MYZAP: variants seen among roughly 807,000 people sequenced by gnomAD.
MYZAP encodes the protein GRINL1A complex locus upstream.
In MYZAP, 66 loss-of-function variants were observed where a neutral mutation model predicts 69.4. The ratio of observed to expected loss-of-function variants is 0.95; its 90% confidence interval spans 0.78 to 1.17. The LOEUF is 1.17. Ranked by LOEUF, MYZAP falls within the 50% of genes most tolerant of loss-of-function variation. The probability of loss-of-function intolerance (pLI) is 0.00; values close to 1 mark genes in which losing one functional copy is unlikely to be tolerated. For missense variants in MYZAP, 611 were observed against 556.2 expected, an observed-to-expected ratio of 1.10 and a Z score of -0.99; for synonymous variants, 256 against 205.9, an observed-to-expected ratio of 1.24 and a Z score of -2.09.
At chr15:57,630,977 C>T (rs1290869378) in intron 6 of MYZAP, among the ~76,000 whole-genome samples, 9 of 152,254 alleles carry the variant, frequency 5.9e-5, no homozygotes, top group South Asian at 2.1e-4. Flanking sequence ...GTCCACCGCC[C>T]GGTCTCTGTA....
At chr15:57,605,259 T>C (rs1380737564) in intron 2 of MYZAP, among the ~76,000 whole-genome samples, 1 of 152,080 alleles carries the variant, frequency 6.6e-6, no homozygotes, top group Non-Finnish European at 1.5e-5. Flanking sequence ...ATTAAGTACA[T>C]TTTATAGAGG....
At chr15:57,623,499 G>T (rs533081071) in intron 4 of MYZAP, among the ~76,000 whole-genome samples, 3 of 152,164 alleles carry the variant, frequency 2.0e-5, no homozygotes, top group Non-Finnish European at 4.4e-5. Context: ...TTGGGAGGCC[G>T]AGGCAGGTGG....
At chr15:57,646,122 T>C in intron 10 of MYZAP, 2 of 1,288,364 alleles carry the variant, frequency 1.6e-6, no homozygotes, top group Non-Finnish European at 2.0e-6. Context: ...ATCCACTCAA[T>C]TGAACTGTCT....
intron 12 of MYZAP, among the ~76,000 whole-genome samples, chr15:57,679,778 C>G (rs1298407945): frequency 1.3e-5 from 2 of 152,204 alleles, no homozygotes; most frequent in African/African-American, 4.8e-5. Context: ...CCCTCTGTGG[C>G]TGAGCCACAG....
intron 1 of MYZAP, among the ~76,000 whole-genome samples, chr15:57,600,148 T>C (rs2034321921): frequency 6.6e-6 from 1 of 152,352 alleles, no homozygotes; most frequent in African/African-American, 2.4e-5. Context: ...ACTTTCTTTC[T>C]TCCCCATGGC....
chr15:57,662,954 G>A (rs7169211), intron 11 of MYZAP, among the ~76,000 whole-genome samples: 38,582 of 152,188 alleles, frequency 0.25, 5,898 homozygotes, highest in Non-Finnish European at 0.34. Context: ...GAGTAAATGG[G>A]TATTTTCCCC....
Position 57,619,997 on chromosome 15 carries a change from CCCTGG to C in MYZAP, c.319-1605_319-1601del, listed in dbSNP as rs1595874981. ...CTGCCATAGGTGGCTTCAGTTCCATCCCTGGCCTGGTCATTGCAGTATTTGCCTTT... is the reference window on the plus strand; with the variant it reads ...CTGCCATAGGTGGCTTCAGTTCCATCCCTGGTCATTGCAGTATTTGCCTTT... On this transcript the variant is annotated intron_variant, in intron 3 of 12. Transcript: ENST00000267853. Among the ~76,000 whole-genome samples the C allele has an allele frequency of 2.0e-5, 3 of 152,300 alleles. No individual in the cohort carries two copies. The East Asian group carries it at 5.8e-4, about 29-fold the overall frequency.
chr15:57,593,214 A>ACACACACACACCCCCCCCCCCCC (rs1172761785), intron 1 of MYZAP, among the ~76,000 whole-genome samples: 2 of 141,346 alleles, frequency 1.4e-5, no homozygotes, highest in African/African-American at 5.6e-5. Context: ...ACACACACAC[A>ACACACACACACCCCCCCCCCCCC]CCCCAGAATC....
At chr15:57,631,291 C>T (rs1431947446) in intron 6 of MYZAP, among the ~76,000 whole-genome samples, 1 of 152,048 alleles carries the variant, frequency 6.6e-6, no homozygotes, top group Non-Finnish European at 1.5e-5. Context: ...GGTGGCCTGT[C>T]ACCAGGCATC....
chr15:57,602,779 C>T (rs907149760), intron 1 of MYZAP, among the ~76,000 whole-genome samples: 1 of 152,160 alleles, frequency 6.6e-6, no homozygotes, highest in Admixed American at 6.5e-5. Flanking sequence ...TTAGCTTCCT[C>T]ATCTGAAAAA....
intron 10 of MYZAP, among the ~76,000 whole-genome samples, chr15:57,660,078 A>G (rs1307106418): frequency 6.6e-6 from 1 of 152,064 alleles, no homozygotes; most frequent in African/African-American, 2.4e-5. Context: ...GGTTACACAG[A>G]CCTCCATCAT....
intron 11 of MYZAP, among the ~76,000 whole-genome samples, chr15:57,670,443 A>G (rs1365300034): frequency 6.6e-6 from 1 of 152,082 alleles, no homozygotes; most frequent in African/African-American, 2.4e-5. Context: ...GCTATATATT[A>G]TTCCAGCCAC....
chr15:57,593,846 AT>A (rs763833750), intron 1 of MYZAP, among the ~76,000 whole-genome samples: 1 of 152,154 alleles, frequency 6.6e-6, no homozygotes, highest in Non-Finnish European at 1.5e-5. Flanking sequence ...TGATTTGCAG[AT>A]GTTACAAGTA....
chr15:57,667,560 T>G lies in MYZAP; in HGVS notation c.1203+6027T>G, dbSNP rs550228738. On this transcript the variant is annotated intron_variant, in intron 11 of 12. Coordinates refer to ENST00000267853, the MANE Select transcript of MYZAP (RefSeq NM_001018100.5). ...CTGAGGCTATTCTTTGTCGTTCCAC[T>G]GTAGTCATATTCTGCAAGACTAAGA... Among the ~76,000 whole-genome samples the G allele has an allele frequency of 3.3e-5, 5 of 152,340 alleles. No homozygotes were observed. The South Asian group carries it at 1.0e-3, about 32-fold the overall frequency.
rs1452489473 is a variant in MYZAP, at chr15:57,625,936, C to T, written c.525+44C>T. 3 of 1,552,952 alleles carry T rather than the reference C, an allele frequency of 1.9e-6. No individual in the cohort carries two copies. In the Admixed American group the frequency reaches 5.0e-5, roughly 26 times the overall value. On this transcript the variant is annotated intron_variant, in intron 5 of 12. Transcript: ENST00000267853. ...CTATGACAGGGCAACCCAGCTTAAT[C>T]AAGAGTGGGGACTGTGCCTTTGCAG...
rs2140688397 is a variant in MYZAP, at chr15:57,684,399, C to T, written c.1305-3C>T. On this transcript the variant is annotated splice_polypyrimidine_tract_variant and splice_region_variant and intron_variant, in intron 12 of 12. Coordinates refer to ENST00000267853, the MANE Select transcript of MYZAP (RefSeq NM_001018100.5). ...TCCTGACCTGCATTTTCTCATTTCT[C>T]AGCCAAACAGGCAGGACTCGTGAAA... 6.2e-7 allele frequency: 1 copy of T among 1,608,974 alleles called. No individual in the cohort carries two copies. Among genetic ancestry groups the T allele is most frequent in the Non-Finnish European group, 8.5e-7 (1 of 1,176,250 alleles).
intron 1 of MYZAP, among the ~76,000 whole-genome samples, chr15:57,600,560 G>A (rs2034344948): frequency 6.6e-6 from 1 of 152,182 alleles, no homozygotes. Context: ...GCCAGGGGAG[G>A]GACCATCTAA....
chr15:57,657,578 A>T (rs533080165), intron 10 of MYZAP, among the ~76,000 whole-genome samples: 1 of 152,262 alleles, frequency 6.6e-6, no homozygotes, highest in South Asian at 2.1e-4. Flanking sequence ...TACTCCATGA[A>T]ATTGATATTT....
At chr15:57,633,866 G>A in intron 8 of MYZAP, 125 bp downstream of exon 8, 13 of 1,055,532 alleles carry the variant, frequency 1.2e-5, no homozygotes, top group Admixed American at 3.8e-5. Context: ...AAAAAAAAAA[G>A]ACAAAGCTAT....
Sources: allele counts gnomAD v4.1 joint callset (sites outside exome capture counted in the v4.1 genomes callset), GRCh38; gene constraint gnomAD v4.1.1; transcripts MANE v1.5; gene names NCBI Gene and HGNC (gene_info 2026-07-23, HGNC 2026-07-21).